The following ADCY8 variants were observed in gnomAD, a reference collection of about 807,000 sequenced individuals.
ADCY8 encodes adenylate cyclase 8, also known as adenylate cyclase type 8.
A neutral mutation model predicts 119.7 loss-of-function variants in ADCY8; 51 were observed. The observed-to-expected ratio is 0.43, with a 90% CI of 0.34 to 0.54. The LOEUF is 0.54. ADCY8 is among the 20% of genes least tolerant of loss of function. The pLI is 0.03. For synonymous variants in ADCY8, 665 were observed against 651.0 expected (o/e 1.02, Z -0.33); for missense variants, 1,383 against 1,598.8 (o/e 0.87, Z 2.30).
intron 5 of ADCY8, among the ~76,000 whole-genome samples, chr8:130,910,689 A>G (rs1322234853): frequency 6.6e-6 from 1 of 152,182 alleles, no homozygotes; most frequent in African/African-American, 2.4e-5. Context: ...AGCTTTACCA[A>G]CATTTGATAT....
intron 1 of ADCY8, among the ~76,000 whole-genome samples, chr8:131,018,214 C>A (rs754698236): frequency 2.6e-5 from 4 of 152,062 alleles, no homozygotes; most frequent in East Asian, 1.9e-4. Flanking sequence ...TCAAAGAGAA[C>A]CCTCAAAGAA....
intron 5 of ADCY8, among the ~76,000 whole-genome samples, chr8:130,932,933 A>G (rs370191935): frequency 5.9e-5 from 9 of 152,304 alleles, no homozygotes; most frequent in African/African-American, 2.2e-4. Context: ...TGCCATTTGC[A>G]CAAAAATTAT....
At chr8:130,861,085 T>C (rs1050737335) in intron 9 of ADCY8, among the ~76,000 whole-genome samples, 1 of 152,232 alleles carries the variant, frequency 6.6e-6, no homozygotes, top group Non-Finnish European at 1.5e-5. Context: ...ATTCTTTCTT[T>C]AGCATCATAC....
chr8:130,794,525 G>A (rs1815520872), intron 15 of ADCY8, among the ~76,000 whole-genome samples: 1 of 152,200 alleles, frequency 6.6e-6, no homozygotes, highest in South Asian at 2.1e-4. Flanking sequence ...ATTAAGGCAT[G>A]AGCCACGACG....
At chr8:130,863,984 T>G (rs940312588) in intron 9 of ADCY8, among the ~76,000 whole-genome samples, 8 of 152,196 alleles carry the variant, frequency 5.3e-5, no homozygotes, top group African/African-American at 1.9e-4. Context: ...TTTGAAGAAA[T>G]TTTTCACATT....
At chr8:130,875,969 G>A (rs766863498) in intron 8 of ADCY8, among the ~76,000 whole-genome samples, 1 of 152,140 alleles carries the variant, frequency 6.6e-6, no homozygotes, top group Non-Finnish European at 1.5e-5. Context: ...ATTTACAATA[G>A]TTATCATAAT....
At chr8:130,939,976 C>A (rs1271945371) in intron 4 of ADCY8, among the ~76,000 whole-genome samples, 1 of 152,112 alleles carries the variant, frequency 6.6e-6, no homozygotes, top group Non-Finnish European at 1.5e-5. Context: ...TGGATGTCAC[C>A]CTCACCAACT....
At chr8:130,852,968 A>C (rs1476648508) in intron 9 of ADCY8, among the ~76,000 whole-genome samples, 1 of 151,910 alleles carries the variant, frequency 6.6e-6, no homozygotes, top group East Asian at 1.9e-4. Context: ...GGAAGAGAAG[A>C]CTCTGCTCCT....
At chr8:130,852,334 A>G (rs76736524) in intron 9 of ADCY8, among the ~76,000 whole-genome samples, 1,652 of 152,232 alleles carry the variant, frequency 0.011, 30 homozygotes, top group African/African-American at 0.038. Context: ...AGTTCTATAT[A>G]AGAACAGAAG....
intron 13 of ADCY8, among the ~76,000 whole-genome samples, chr8:130,816,040 G>C (rs263269): frequency 0.17 from 25,533 of 152,114 alleles, 2,720 homozygotes; most frequent in South Asian, 0.32. Context: ...TGCTGCCCTG[G>C]TAAACACATG....
chr8:130,954,897 T>C (rs1217168334), intron 2 of ADCY8, among the ~76,000 whole-genome samples: 2 of 152,190 alleles, frequency 1.3e-5, no homozygotes, highest in Admixed American at 6.5e-5. Flanking sequence ...GAGCTAACAG[T>C]ATGCAACAAA....
At chr8:131,001,175 G>A (rs1822933800) in intron 1 of ADCY8, among the ~76,000 whole-genome samples, 1 of 152,050 alleles carries the variant, frequency 6.6e-6, no homozygotes, top group African/African-American at 2.4e-5. Context: ...ATTCTGGAGC[G>A]GTGATTACCA....
intron 15 of ADCY8, among the ~76,000 whole-genome samples, chr8:130,799,171 A>G (rs1395456816): frequency 6.6e-6 from 1 of 152,132 alleles, no homozygotes; most frequent in East Asian, 1.9e-4. Context: ...AAAGGGTATA[A>G]AGTTTTAGTT....
At chr8:130,963,472 A>C (rs1323499399) in intron 2 of ADCY8, among the ~76,000 whole-genome samples, 1 of 152,188 alleles carries the variant, frequency 6.6e-6, no homozygotes, top group African/African-American at 2.4e-5. Context: ...GTCTTTTATT[A>C]AATTAAATCA....
At chr8:130,792,218 A>AT (rs1284188388) in intron 15 of ADCY8, among the ~76,000 whole-genome samples, 1 of 151,776 alleles carries the variant, frequency 6.6e-6, no homozygotes, top group Non-Finnish European at 1.5e-5. Context: ...CCAACTTCAG[A>AT]TTTTACTTCC....
chr8:130,975,539 G>A (rs1822046546), intron 2 of ADCY8, among the ~76,000 whole-genome samples: 1 of 152,196 alleles, frequency 6.6e-6, no homozygotes, highest in South Asian at 2.1e-4. Flanking sequence ...ACGGGGGATG[G>A]GGAAAGGGTA....
Position 131,039,421 on chromosome 8 carries a change from T to A in ADCY8, c.913A>T (p.Ile305Phe), listed in dbSNP as rs1231139671. The change falls in exon 1 of 18, where the codon ATC (isoleucine) becomes TTC (phenylalanine). Residue 305 changes from isoleucine (I) to phenylalanine (F), a missense_variant. By Grantham distance (21) the Ile-to-Phe change is conservative. Transcript: ENST00000286355. ...AGCCGGGGTATGACCACTTGGAGGA[T>A]GACCTGCAGCAGCGAGGTGCCCAGG... ...AGLGTSLLQV[I>F]LQVVIPRLAV... The A allele has an allele frequency of 2.4e-5, 39 of 1,614,040 alleles. No homozygotes were observed. The highest frequency in any genetic ancestry group is 3.1e-5 in the Non-Finnish European group (37 of 1,180,044).
intron 4 of ADCY8, among the ~76,000 whole-genome samples, chr8:130,939,129 T>C: frequency 6.6e-6 from 1 of 151,382 alleles, no homozygotes; most frequent in Admixed American, 6.6e-5. Flanking sequence ...GAACAATCCA[T>C]CAACAAACAC....
At chr8:130,822,530 C>T (rs568671441) in intron 12 of ADCY8, among the ~76,000 whole-genome samples, 1 of 141,112 alleles carries the variant, frequency 7.1e-6, no homozygotes, top group Non-Finnish European at 1.6e-5. Context: ...ATCCATGAAT[C>T]CATGAATCCA....
Sources: allele counts gnomAD v4.1 joint callset (sites outside exome capture counted in the v4.1 genomes callset), GRCh38; gene constraint gnomAD v4.1.1; transcripts MANE v1.5; gene names NCBI Gene and HGNC (gene_info 2026-07-23, HGNC 2026-07-21).